The following SAXO3 variants were observed in gnomAD, a reference collection of about 807,000 sequenced individuals.
The protein encoded by SAXO3 is stabilizer of axonemal microtubules 3, also known as CTB-60B18.10.
the SAXO3 span, chr19:49,019,844 G>A: frequency 1.5e-5 from 19 of 1,280,302 alleles, no homozygotes; most frequent in East Asian, 5.1e-4. Context: ...ACGTGAAGGA[G>A]CAGGGGACTC....
chr19:49,018,799 G>T, the SAXO3 span: 42 of 1,313,858 alleles, frequency 3.2e-5, no homozygotes, highest in African/African-American at 5.8e-4. Context: ...ATGGGAGCCA[G>T]CCCAGGGGCT....
At chr19:49,020,001 G>A in the SAXO3 span, 2 of 1,496,802 alleles carry the variant, frequency 1.3e-6, no homozygotes, top group Non-Finnish European at 1.8e-6. Context: ...TGGGTCTTGG[G>A]CACGTAGGCC....
chr19:49,019,276 A>T, the SAXO3 span: 1 of 1,255,590 alleles, frequency 8.0e-7, no homozygotes, highest in South Asian at 2.3e-5. Context: ...CAGCCACCAA[A>T]AACAACCTCC....
At chr19:49,019,137 G>A in the SAXO3 span, 1 of 1,420,260 alleles carries the variant, frequency 7.0e-7, no homozygotes, top group Non-Finnish European at 9.2e-7. Context: ...CCCCGCCCCA[G>A]GGTTAGAGCC....
chr19:49,019,089 C>A, the SAXO3 span: 1 of 1,447,214 alleles, frequency 6.9e-7, no homozygotes, highest in Admixed American at 2.5e-5. Flanking sequence ...AATCCCTCTC[C>A]TTCGGCCTCG....
the SAXO3 span, chr19:49,018,849 G>A: frequency 0.6 from 917,731 of 1,519,222 alleles, 279,938 homozygotes; most frequent in Admixed American, 0.71. Flanking sequence ...GCAGGAGGCG[G>A]TGCCGAGCGA....
chr19:49,019,214 C>A, the SAXO3 span: 1 of 1,385,768 alleles, frequency 7.2e-7, no homozygotes, highest in South Asian at 1.7e-5. Flanking sequence ...CCAGCCTCAC[C>A]TCCCTAAATC....
At chr19:49,018,586 C>G in the SAXO3 span, among the ~76,000 whole-genome samples, 155 of 152,182 alleles carry the variant, frequency 1.0e-3, 5 homozygotes, top group South Asian at 0.032. Context: ...GAAGGAGTAT[C>G]TGGGGGCTCA....
the SAXO3 span, chr19:49,019,861 A>G: frequency 1.5e-6 from 2 of 1,304,752 alleles, no homozygotes; most frequent in Admixed American, 5.4e-5. Flanking sequence ...ACTCAAATGC[A>G]GTCCCCCGCC....
At chr19:49,018,271 G>C in the SAXO3 span, 9 of 1,062,668 alleles carry the variant, frequency 8.5e-6, no homozygotes, top group Non-Finnish European at 1.1e-5. Flanking sequence ...CGTGGCTCCA[G>C]ACCTGGGGCG....
the SAXO3 span, chr19:49,019,338 G>A: frequency 8.5e-7 from 1 of 1,174,922 alleles, no homozygotes; most frequent in Non-Finnish European, 1.1e-6. Context: ...GAGCTGAGCT[G>A]CATCTTGGGC....
the SAXO3 span, chr19:49,018,347 G>A: frequency 8.2e-7 from 1 of 1,218,498 alleles, no homozygotes. Flanking sequence ...CGTCCTGTGG[G>A]AGCAGGGCGG....
At chr19:49,019,994 G>A in the SAXO3 span, 19 of 1,503,896 alleles carry the variant, frequency 1.3e-5, no homozygotes, top group Non-Finnish European at 1.6e-5. Context: ...CCCGCCATGG[G>A]TCTTGGGCAC....
the SAXO3 span, chr19:49,019,355 T>C: frequency 1.6e-6 from 2 of 1,213,774 alleles, no homozygotes; most frequent in South Asian, 7.2e-5. Flanking sequence ...GGGCAGCAAC[T>C]CCAAGTTACC....
the SAXO3 span, chr19:49,019,036 A>T: frequency 6.6e-7 from 1 of 1,512,962 alleles, no homozygotes. Flanking sequence ...TACCCAAGAC[A>T]TAGATTTCAT....
At chr19:49,020,307 C>T in the SAXO3 span, 4 of 429,200 alleles carry the variant, frequency 9.3e-6, no homozygotes, top group Admixed American at 4.1e-5. Context: ...GCTCCCAATC[C>T]GCTTTATTTA....
chr19:49,018,175 C>G, the SAXO3 span: 21 of 413,836 alleles, frequency 5.1e-5, no homozygotes, highest in South Asian at 2.4e-3. Context: ...GCGGCATGGC[C>G]GAGGTCACCG....
the SAXO3 span, chr19:49,018,233 G>C: frequency 1.0e-4 from 76 of 731,882 alleles, no homozygotes; most frequent in Non-Finnish European, 1.4e-4. Context: ...CGGCCGGGAG[G>C]AGCGCGGACA....
the SAXO3 span, among the ~76,000 whole-genome samples, chr19:49,018,683 T>G: frequency 6.7e-6 from 1 of 149,238 alleles, no homozygotes. Flanking sequence ...TCCTGAGAGG[T>G]GACACTAAGG....
Sources: gnomAD v4.1 joint callset for allele counts (sites outside exome capture counted in the v4.1 genomes callset) on GRCh38, gnomAD v4.1.1 for gene constraint, MANE v1.5 for transcripts, NCBI Gene and HGNC (gene_info 2026-07-23, HGNC 2026-07-21) for gene names.